Variants in PGM3 observed in about 807,000 individuals in gnomAD.
The protein encoded by PGM3 is phosphoglucomutase 3, also known as phosphoacetylglucosamine mutase.
A neutral mutation model predicts 66.2 loss-of-function variants in PGM3; 40 were observed. That is an observed-to-expected ratio of 0.60 (90% CI 0.47 to 0.79). PGM3 has a LOEUF of 0.79. PGM3 is among the 30% of genes least tolerant of loss of function. The probability of loss-of-function intolerance (pLI) is 0.00; values close to 1 mark genes in which losing one functional copy is unlikely to be tolerated. For missense variants in PGM3, 537 were observed against 643.4 expected (o/e 0.83, Z 1.79); for synonymous variants, 191 against 224.2 (o/e 0.85, Z 1.32).
intron 9 of PGM3, among the ~76,000 whole-genome samples, chr6:83,174,993 C>G (rs1437354792): frequency 6.6e-6 from 1 of 152,166 alleles, no homozygotes; most frequent in East Asian, 1.9e-4. Context: ...TATAATTCAT[C>G]ATGCTCCTCA....
intron 4 of PGM3, among the ~76,000 whole-genome samples, chr6:83,184,901 C>G (rs1788459530): frequency 6.6e-6 from 1 of 152,216 alleles, no homozygotes. Flanking sequence ...TTAGTCCCAC[C>G]TTACCTCCCT....
At chr6:83,157,381 T>C, downstream of PGM3, 1 of 1,531,308 alleles carries the variant, frequency 6.5e-7, no homozygotes, top group East Asian at 2.3e-5. Flanking sequence ...TTAGTTTCCA[T>C]GTGCTTACTA....
intron 1 of PGM3, chr6:83,191,237 C>A: frequency 2.0e-6 from 3 of 1,535,346 alleles, no homozygotes; most frequent in East Asian, 2.4e-5. Context: ...AGACTCAGGG[C>A]AGATAGCAGA....
rs1282349713 is a variant in PGM3 at position 83,164,959 on chromosome 6, A to G, written c.*4275T>C. ...GCATCAGAAACTCTGAATCAAGTGT[A>G]TTCTTCTTGGTCAAGAGCTTAATAA... is the stretch of plus-strand genomic sequence containing the variant. On this transcript the variant is annotated 3_prime_UTR_variant, in exon 13 of 13. Coordinates refer to ENST00000513973, the MANE Select transcript of PGM3 (RefSeq NM_015599.3). The G allele has an allele frequency of 7.0e-6, 3 of 426,532 alleles. No individual in the cohort carries two copies. Among genetic ancestry groups the G allele is most frequent in the Non-Finnish European group, 1.2e-5 (3 of 241,448 alleles). 26.4% of individuals were successfully genotyped at this position (426,532 alleles called of 1,614,324 possible).
chr6:83,158,986 C>G (rs1213689122), downstream of PGM3, among the ~76,000 whole-genome samples: 1 of 152,192 alleles, frequency 6.6e-6, no homozygotes, highest in Non-Finnish European at 1.5e-5. Flanking sequence ...ATATGCAGAT[C>G]TTCCAGATGG....
the PGM3 span, among the ~76,000 whole-genome samples, chr6:83,154,734 C>A: frequency 1.1e-4 from 17 of 152,134 alleles, no homozygotes; most frequent in Non-Finnish European, 1.9e-4. Context: ...AATCACCCCC[C>A]ACCCCCTCTT....
Position 83,167,762 on chromosome 6 carries a change from T to TC in PGM3, c.*1471dup, listed in dbSNP as rs1786142413. 1 of 1,452,590 alleles carries TC rather than the reference T, an allele frequency of 6.9e-7. No homozygotes were observed. Among genetic ancestry groups the TC allele is most frequent in the Admixed American group, 2.8e-5 (1 of 35,512 alleles). 90.0% of individuals were successfully genotyped at this position (1,452,590 alleles called of 1,614,324 possible). ...GTTAGAAACTTAATGTCATTTGTAT[T>TC]CATTTCTTGACCAATTGCCAAAGTT... On this transcript the variant is annotated 3_prime_UTR_variant, in exon 13 of 13. Coordinates refer to ENST00000513973, the MANE Select transcript of PGM3 (RefSeq NM_015599.3).
Position 83,167,624 on chromosome 6 carries a change from T to C in PGM3, c.*1610A>G. The C allele has an allele frequency of 8.2e-7, 1 of 1,221,986 alleles. No individual in the cohort carries two copies. The allele number at this position is 1,221,986 out of a possible 1,614,324, so 75.7% of individuals were successfully genotyped here. A position where few individuals can be genotyped will look rare whatever the true frequency, so the allele number is the denominator to read the frequency against. ...CAAAGCTATTTCTGTTAACTAAGCT[T>C]ATCTGCGCATTCTAGTTGGGAACTA... On this transcript the variant is annotated 3_prime_UTR_variant, in exon 13 of 13. Transcript: ENST00000513973.
At chr6:83,171,800 G>T in intron 11 of PGM3, 137 bp downstream of exon 11, 1 of 687,052 alleles carries the variant, frequency 1.5e-6, no homozygotes, top group Non-Finnish European at 2.4e-6. Context: ...GGCCCATAAG[G>T]CCTTATTTTC....
intron 4 of PGM3, among the ~76,000 whole-genome samples, chr6:83,184,958 AC>A (rs1437405730): frequency 1.3e-5 from 2 of 152,186 alleles, no homozygotes. Context: ...AGCTACATTA[AC>A]CTTTTTTCAT....
chr6:83,151,917 C>T, the PGM3 span: 6 of 1,613,748 alleles, frequency 3.7e-6, no homozygotes, highest in Non-Finnish European at 3.4e-6. Flanking sequence ...GCAATTGGTG[C>T]AATTGCTGGT....
At chr6:83,152,929 G>A in the PGM3 span, among the ~76,000 whole-genome samples, 1 of 152,004 alleles carries the variant, frequency 6.6e-6, no homozygotes, top group African/African-American at 2.4e-5. Context: ...GGGGAGGGGT[G>A]GAGGTGATCT....
At chr6:83,191,115 T>A in intron 1 of PGM3, 101 bp from the exon 2 acceptor site, 1 of 1,462,512 alleles carries the variant, frequency 6.8e-7, no homozygotes, top group Admixed American at 1.9e-5. Context: ...TGTCTCATCC[T>A]GAACCTCCTC....
At chr6:83,193,287 C>G (rs1470188858), upstream of PGM3, 1 of 152,340 alleles carries the variant, frequency 6.6e-6, no homozygotes, top group Non-Finnish European at 1.5e-5. Flanking sequence ...TGCGTGGCTT[C>G]CGGCTCGTCG....
downstream of PGM3, among the ~76,000 whole-genome samples, chr6:83,163,269 C>T (rs186462470): frequency 1.3e-5 from 2 of 152,032 alleles, no homozygotes; most frequent in African/African-American, 2.4e-5. Flanking sequence ...GAACACTCTT[C>T]GTGTCAAAAA....
chr6:83,190,164 G>A (rs959138665), intron 2 of PGM3, among the ~76,000 whole-genome samples: 12 of 152,180 alleles, frequency 7.9e-5, no homozygotes, highest in Admixed American at 3.9e-4. Context: ...TAATGGATAT[G>A]TTAATTAGCC....
Position 83,167,402 on chromosome 6 carries a change from A to C in PGM3, c.*1832T>G. 3 of 982,386 alleles carry C rather than the reference A, an allele frequency of 3.1e-6. No individual in the cohort carries two copies. The highest frequency in any genetic ancestry group is 3.6e-6 in the Non-Finnish European group (3 of 827,064). The allele number at this position is 982,386 out of a possible 1,614,324, so 60.9% of individuals were successfully genotyped here. ...GCTACCATCATGGCAAATTTAGGCCATTTAGATAAAAGGGAATTAACTAAT... is the reference window on the plus strand; with the variant it reads ...GCTACCATCATGGCAAATTTAGGCCCTTTAGATAAAAGGGAATTAACTAAT... On this transcript the variant is annotated 3_prime_UTR_variant, in exon 13 of 13. Coordinates refer to ENST00000513973, the MANE Select transcript of PGM3 (RefSeq NM_015599.3).
chr6:83,179,813 C>T lies in PGM3; in HGVS notation c.942G>A (p.Val314=), dbSNP rs750652425. The change falls in exon 7 of 13, where the codon GTG becomes GTA. Residue 314 remains valine (V), a synonymous_variant. Coordinates refer to ENST00000513973, the MANE Select transcript of PGM3 (RefSeq NM_015599.3). Reference sequence around the variant, plus strand: ...GTAGCCAATCCCCCCACCATACCTCCACCAGGAGCTCTTTAAGGAAACTGC... The same window carrying T: ...GTAGCCAATCCCCCCACCATACCTCTACCAGGAGCTCTTTAAGGAAACTGC... ...LISSFLKELL[V]EIGESLNIGV... 4 of 1,607,806 alleles carry T rather than the reference C, an allele frequency of 2.5e-6. No individual in the cohort carries two copies. In the South Asian group the frequency reaches 4.5e-5, roughly 18 times the overall value.
chr6:83,151,277 A>G, the PGM3 span, among the ~76,000 whole-genome samples: 31 of 152,194 alleles, frequency 2.0e-4, no homozygotes, highest in African/African-American at 7.0e-4. Flanking sequence ...GCCTTAGCCT[A>G]CCAAGTAGCT....
Sources: gnomAD v4.1 joint callset for allele counts (sites outside exome capture counted in the v4.1 genomes callset) on GRCh38, gnomAD v4.1.1 for gene constraint, MANE v1.5 for transcripts, NCBI Gene and HGNC (gene_info 2026-07-23, HGNC 2026-07-21) for gene names.